CACNA2D1: variants seen among roughly 807,000 people sequenced by gnomAD.
The protein encoded by CACNA2D1 is calcium voltage-gated channel auxiliary subunit alpha2delta 1.
In CACNA2D1, 53 loss-of-function variants were observed where a neutral mutation model predicts 171.5. The ratio of observed to expected loss-of-function variants is 0.31; its 90% CI spans 0.25 to 0.39. The LOEUF (loss-of-function observed/expected upper bound fraction) is 0.39. Among genes scored for constraint, CACNA2D1 ranks in the 10% least tolerant of loss-of-function variants. The pLI, the probability that CACNA2D1 is intolerant of heterozygous loss-of-function variation, is 1.00. For synonymous variants in CACNA2D1, 442 were observed against 443.1 expected, an observed-to-expected ratio of 1.00 and a Z score of 0.03; for missense variants, 903 against 1,299.8, an observed-to-expected ratio of 0.69 and a Z score of 4.69.
chr7:82,425,855 G>A (rs1175427746), intron 1 of CACNA2D1, among the ~76,000 whole-genome samples: 7 of 151,278 alleles, frequency 4.6e-5, no homozygotes, highest in South Asian at 2.1e-4. Context: ...GGGGCTGGGC[G>A]TGGTGGCTCA....
At position 82,245,990 on chromosome 7, in the gene CACNA2D1, A is replaced by T. The variant is rs568440226; in HGVS notation, c.295-75381T>A. Among the ~76,000 whole-genome samples the T allele has an allele frequency of 9.9e-4, 151 of 152,152 alleles. 1 individual carries two copies. The highest frequency in any genetic ancestry group is 1.4e-3 in the Non-Finnish European group (96 of 67,978). On this transcript the variant is annotated intron_variant, in intron 3 of 38. Transcript: ENST00000356860. ...GACATTCTATTGTCTATGTATAGAGATCATTTGTATTCTGTCATAATAATC... is the reference window on the plus strand; with the variant it reads ...GACATTCTATTGTCTATGTATAGAGTTCATTTGTATTCTGTCATAATAATC...
chr7:82,274,355 ATTTAC>A (rs1163118911), intron 3 of CACNA2D1, among the ~76,000 whole-genome samples: 2 of 152,104 alleles, frequency 1.3e-5, no homozygotes, highest in African/African-American at 4.8e-5. Flanking sequence ...TTTATTGCAT[ATTTAC>A]TTTAATTTGT....
chr7:82,341,781 C>T (rs1167371100), intron 2 of CACNA2D1, among the ~76,000 whole-genome samples: 1 of 152,006 alleles, frequency 6.6e-6, no homozygotes, highest in Non-Finnish European at 1.5e-5. Context: ...AGCACGGTGG[C>T]TCACGCCTGT....
At chr7:82,342,655 T>C (rs1428643590) in intron 2 of CACNA2D1, among the ~76,000 whole-genome samples, 4 of 152,078 alleles carry the variant, frequency 2.6e-5, no homozygotes, top group African/African-American at 9.7e-5. Context: ...TGAAGAGATA[T>C]AGAAATGTAT....
chr7:82,305,873 G>A (rs1351030759), intron 3 of CACNA2D1, among the ~76,000 whole-genome samples: 2 of 152,132 alleles, frequency 1.3e-5, no homozygotes, highest in African/African-American at 4.8e-5. Flanking sequence ...CTGCAGTCGA[G>A]GGAACTCAGA....
chr7:82,303,188 G>T (rs1052569030), intron 3 of CACNA2D1, among the ~76,000 whole-genome samples: 1 of 151,852 alleles, frequency 6.6e-6, no homozygotes, highest in Non-Finnish European at 1.5e-5. Context: ...TAGTAGAGAC[G>T]GGATTTCACT....
chr7:82,156,527 C>A (rs544284240), intron 4 of CACNA2D1, among the ~76,000 whole-genome samples: 126 of 151,946 alleles, frequency 8.3e-4, no homozygotes, highest in Non-Finnish European at 1.7e-3. Flanking sequence ...TATTGTTAGT[C>A]CACTTATTTT....
chr7:82,099,201 A>T (rs1248293142), intron 6 of CACNA2D1, among the ~76,000 whole-genome samples: 1 of 152,136 alleles, frequency 6.6e-6, no homozygotes, highest in African/African-American at 2.4e-5. Context: ...ATATATCTGT[A>T]GCAAAACCTT....
chr7:82,021,876 G>A (rs1241501391), intron 12 of CACNA2D1, among the ~76,000 whole-genome samples: 1 of 152,020 alleles, frequency 6.6e-6, no homozygotes, highest in Non-Finnish European at 1.5e-5. Context: ...CTTAATCAGA[G>A]AAGAGAGCAG....
intron 3 of CACNA2D1, among the ~76,000 whole-genome samples, chr7:82,229,475 G>A (rs1310939505): frequency 6.6e-6 from 1 of 152,008 alleles, no homozygotes; most frequent in Non-Finnish European, 1.5e-5. Flanking sequence ...ATCACAGACT[G>A]CCAACTCCCA....
At chr7:82,083,839 T>C (rs1195415535) in intron 7 of CACNA2D1, among the ~76,000 whole-genome samples, 1 of 152,168 alleles carries the variant, frequency 6.6e-6, no homozygotes, top group African/African-American at 2.4e-5. Flanking sequence ...TATTTTCTAA[T>C]TTTTATTTCA....
At chr7:82,300,651 A>G (rs1355836799) in intron 3 of CACNA2D1, among the ~76,000 whole-genome samples, 1 of 152,156 alleles carries the variant, frequency 6.6e-6, no homozygotes, top group Admixed American at 6.5e-5. Flanking sequence ...TTATTAAATG[A>G]TAGTCAACCA....
At chr7:82,298,900 T>C (rs1812628046) in intron 3 of CACNA2D1, among the ~76,000 whole-genome samples, 1 of 151,890 alleles carries the variant, frequency 6.6e-6, no homozygotes, top group Non-Finnish European at 1.5e-5. Flanking sequence ...CCGTCTCTAC[T>C]AAAAGTACAC....
At chr7:82,093,854 G>T (rs1231732100) in intron 6 of CACNA2D1, among the ~76,000 whole-genome samples, 1 of 152,122 alleles carries the variant, frequency 6.6e-6, no homozygotes, top group Non-Finnish European at 1.5e-5. Context: ...ATGCTGAGAA[G>T]AAACTCTGGC....
At chr7:82,154,034 G>C (rs1420833218) in intron 4 of CACNA2D1, among the ~76,000 whole-genome samples, 1 of 152,146 alleles carries the variant, frequency 6.6e-6, no homozygotes, top group Non-Finnish European at 1.5e-5. Context: ...TCACTAGCAT[G>C]ATTCTCTGTA....
At chr7:81,995,867 CAGA>C (rs1797996264) in intron 19 of CACNA2D1, among the ~76,000 whole-genome samples, 1 of 150,892 alleles carries the variant, frequency 6.6e-6, no homozygotes, top group Admixed American at 6.6e-5. Flanking sequence ...TGGCAATTCT[CAGA>C]AGTTTCCTCA....
chr7:82,087,560 T>TAA (rs34472151), intron 6 of CACNA2D1, among the ~76,000 whole-genome samples: 10 of 144,768 alleles, frequency 6.9e-5, no homozygotes, highest in African/African-American at 2.5e-4. Context: ...TGAAAGCAGC[T>TAA]AAAAAAAAAA....
intron 3 of CACNA2D1, among the ~76,000 whole-genome samples, chr7:82,265,268 A>C (rs765009164): frequency 6.6e-6 from 1 of 152,294 alleles, no homozygotes; most frequent in Non-Finnish European, 1.5e-5. Context: ...CCAAAGCACT[A>C]TTTCTCAGAT....
intron 6 of CACNA2D1, among the ~76,000 whole-genome samples, chr7:82,088,673 C>A (rs115127387): frequency 6.6e-6 from 1 of 151,134 alleles, no homozygotes; most frequent in Non-Finnish European, 1.5e-5. Flanking sequence ...TATTTTTGAC[C>A]GTAAAAATCC....
Sources: allele counts gnomAD v4.1 joint callset (sites outside exome capture counted in the v4.1 genomes callset), GRCh38; gene constraint gnomAD v4.1.1; transcripts MANE v1.5; gene names NCBI Gene and HGNC (gene_info 2026-07-23, HGNC 2026-07-21).